RYR3: variants seen among roughly 807,000 people sequenced by gnomAD.
RYR3 encodes the protein brain ryanodine receptor-calcium release channel.
RYR3 carries 207 observed loss-of-function variants against 584.3 expected under a neutral mutation model. That is an observed-to-expected ratio of 0.35 (90% CI 0.32 to 0.40). The LOEUF (loss-of-function observed/expected upper bound fraction) is 0.40. RYR3 is among the 10% of genes least tolerant of loss of function. The pLI is 1.00. For missense variants in RYR3, 5,616 were observed against 6,089.2 expected, an observed-to-expected ratio of 0.92 and a Z score of 2.59; for synonymous variants, 2,416 against 2,248.5, an observed-to-expected ratio of 1.07 and a Z score of -2.11.
At position 33,566,689 on chromosome 15, in the gene RYR3, T is replaced by G; in HGVS notation, c.1158T>G (p.His386Gln). 1.2e-6 allele frequency: 2 copies of G among 1,613,706 alleles called. No homozygotes were observed. Among genetic ancestry groups the G allele is most frequent in the South Asian group, 2.2e-5 (2 of 91,080 alleles). Residue 386 changes from histidine to glutamine, a missense_variant, in exon 12 of 104, where the codon CAT becomes CAG. His to Gln is a conservative substitution (Grantham distance 24). Coordinates refer to ENST00000634891, the MANE Select transcript of RYR3 (RefSeq NM_001036.6). ...LGPLKRKVIL[H>Q]QEGHMDDGLT... ...TGCCCTGTGGGTAGGTCATACTCCA[T>G]CAGGAAGGCCACATGGATGATGGAT...
At position 33,532,723 on chromosome 15, in the gene RYR3, T is replaced by A. The variant is rs146310157; in HGVS notation, c.355-588T>A. ...AAAGTTTCTCAACATCTTTAAGGCA[T>A]CTTTAATATTTCTAACTCATTTCTA... On this transcript the variant is annotated intron_variant, in intron 4 of 103. Transcript: ENST00000634891. Among the ~76,000 whole-genome samples the A allele has an allele frequency of 7.9e-3, 1,206 of 152,340 alleles. 24 individuals carry two copies. The highest frequency in any genetic ancestry group is 6.4e-3 in the Non-Finnish European group (434 of 68,038).
At chr15:33,831,164 A>G (rs1432586787) in intron 86 of RYR3, 73 bp downstream of exon 86, 2 of 1,438,144 alleles carry the variant, frequency 1.4e-6, no homozygotes, top group East Asian at 4.6e-5. Flanking sequence ...TATTCCCTAC[A>G]GAATACTTGA....
At chr15:33,712,637 T>A (rs561009758) in intron 43 of RYR3, among the ~76,000 whole-genome samples, 197 of 152,128 alleles carry the variant, frequency 1.3e-3, no homozygotes, top group African/African-American at 4.5e-3. Flanking sequence ...TTGCCACAGG[T>A]GAAGGCATGA....
At chr15:33,449,452 A>G (rs1473088915) in intron 1 of RYR3, among the ~76,000 whole-genome samples, 1 of 152,216 alleles carries the variant, frequency 6.6e-6, no homozygotes, top group Non-Finnish European at 1.5e-5. Context: ...GGTCCAGCCC[A>G]TACTCACCGG....
At chr15:33,783,286 T>G (rs1339609662) in intron 65 of RYR3, among the ~76,000 whole-genome samples, 2 of 152,164 alleles carry the variant, frequency 1.3e-5, no homozygotes, top group Non-Finnish European at 2.9e-5. Flanking sequence ...GGATTGCACT[T>G]TGAGAATTAT....
chr15:33,609,937 T>C (rs1479177570), intron 18 of RYR3, among the ~76,000 whole-genome samples: 1 of 152,092 alleles, frequency 6.6e-6, no homozygotes, highest in African/African-American at 2.4e-5. Flanking sequence ...TTTGGTTCAG[T>C]TTTGTTTTCT....
chr15:33,766,639 A>G (rs1405590998), intron 60 of RYR3, among the ~76,000 whole-genome samples: 1 of 152,232 alleles, frequency 6.6e-6, no homozygotes, highest in Non-Finnish European at 1.5e-5. Context: ...TACAACCTAG[A>G]GCCGATCAGC....
At position 33,584,455 on chromosome 15, in the gene RYR3, TC is replaced by T; in HGVS notation, c.1635del (p.Ile546SerfsTer7). ...CAQFSNNLDW[L>X]ISKLDRLESS... ...CAATTCTCCAATAACCTTGATTGGC[TC>T]ATCAGTAAATTGGACAGACTAGAAT... On this transcript the variant is annotated frameshift_variant, in exon 15 of 104. Transcript: ENST00000634891. LOFTEE classifies it high-confidence loss of function. 1 of 1,601,906 alleles carries T rather than the reference TC, an allele frequency of 6.2e-7. No individual in the cohort carries two copies. Among genetic ancestry groups the T allele is most frequent in the Non-Finnish European group, 8.5e-7 (1 of 1,169,886 alleles).
intron 43 of RYR3, among the ~76,000 whole-genome samples, chr15:33,709,935 G>T (rs752380718): frequency 1.3e-5 from 2 of 152,170 alleles, no homozygotes; most frequent in Non-Finnish European, 2.9e-5. Flanking sequence ...GTAGAGAGCT[G>T]TAAAACTTTT....
At chr15:33,786,863 G>A (rs145840874) in intron 66 of RYR3, among the ~76,000 whole-genome samples, 125 of 152,282 alleles carry the variant, frequency 8.2e-4, no homozygotes, top group Middle Eastern at 6.8e-3. Flanking sequence ...CAGGACCAAG[G>A]AAGAAAAGTT....
intron 49 of RYR3, among the ~76,000 whole-genome samples, chr15:33,738,242 T>G (rs2069701733): frequency 6.6e-6 from 1 of 152,128 alleles, no homozygotes; most frequent in African/African-American, 2.4e-5. Context: ...ATCAGGCAGA[T>G]CCGCTCAGGC....
chr15:33,822,183 A>C (rs2077144778), intron 80 of RYR3, among the ~76,000 whole-genome samples: 1 of 152,198 alleles, frequency 6.6e-6, no homozygotes, highest in African/African-American at 2.4e-5. Context: ...GCATACAACC[A>C]AGTACCTGAC....
chr15:33,860,927 C>T, intron 101 of RYR3, 151 bp from the exon 102 acceptor site: 1 of 558,666 alleles, frequency 1.8e-6, no homozygotes, highest in Non-Finnish European at 2.9e-6. Context: ...TGACTAATAG[C>T]CAATGTATGG....
chr15:33,622,541 A>G (rs115323970), intron 19 of RYR3, among the ~76,000 whole-genome samples: 1,700 of 152,332 alleles, frequency 0.011, 33 homozygotes, highest in African/African-American at 0.039. Context: ...TTTGTCTGCT[A>G]GAATACCTGC....
intron 1 of RYR3, among the ~76,000 whole-genome samples, chr15:33,333,626 A>G (rs1022121370): frequency 4.6e-5 from 7 of 152,216 alleles, no homozygotes; most frequent in African/African-American, 1.7e-4. Flanking sequence ...TCCCTTGGAA[A>G]CCAGCACAAG....
chr15:33,783,678 G>A (rs1482092338), intron 65 of RYR3, among the ~76,000 whole-genome samples: 1 of 152,200 alleles, frequency 6.6e-6, no homozygotes, highest in East Asian at 1.9e-4. Context: ...TTGCGTCTAT[G>A]GCAGTGGCAT....
chr15:33,779,660 G>T (rs562130403), intron 64 of RYR3, among the ~76,000 whole-genome samples: 2 of 152,146 alleles, frequency 1.3e-5, no homozygotes, highest in Non-Finnish European at 2.9e-5. Flanking sequence ...CACATGCTGG[G>T]AGAGAGGGAC....
intron 12 of RYR3, among the ~76,000 whole-genome samples, chr15:33,573,650 C>T (rs949930230): frequency 6.6e-6 from 1 of 152,114 alleles, no homozygotes; most frequent in Non-Finnish European, 1.5e-5. Context: ...TCACCTGGGA[C>T]CTCACTTGAA....
At chr15:33,834,693 A>G (rs2152976265) in intron 86 of RYR3, among the ~76,000 whole-genome samples, 1 of 152,308 alleles carries the variant, frequency 6.6e-6, no homozygotes, top group South Asian at 2.1e-4. Context: ...ATTGTTCTCC[A>G]GTGTAAGCTT....
Sources: gnomAD v4.1 joint callset for allele counts (sites outside exome capture counted in the v4.1 genomes callset) on GRCh38, gnomAD v4.1.1 for gene constraint, MANE v1.5 for transcripts, NCBI Gene and HGNC (gene_info 2026-07-23, HGNC 2026-07-21) for gene names.